The following LRBA variants were observed in gnomAD, a reference collection of about 807,000 sequenced individuals.
LRBA encodes the protein LPS responsive beige-like anchor protein.
Under a neutral mutation model 330.0 loss-of-function variants are expected in LRBA, and 176 were observed. The ratio of observed to expected loss-of-function variants is 0.53; its 90% CI spans 0.47 to 0.60. The LOEUF is 0.60. LRBA is among the 20% of genes least tolerant of loss of function. The pLI, the probability that LRBA is intolerant of heterozygous loss-of-function variation, is 0.00. For missense variants in LRBA, 3,259 were observed against 3,444.8 expected, an observed-to-expected ratio of 0.95 and a Z score of 1.35; for synonymous variants, 1,230 against 1,193.0, an observed-to-expected ratio of 1.03 and a Z score of -0.64.
chr4:151,010,200 A>G (rs1024199921), intron 2 of LRBA, among the ~76,000 whole-genome samples: 2 of 152,100 alleles, frequency 1.3e-5, no homozygotes, highest in Admixed American at 6.5e-5. Context: ...AAAAATCATG[A>G]AAGTATGTAT....
At chr4:150,355,497 A>T (rs1241102577) in intron 47 of LRBA, among the ~76,000 whole-genome samples, 2 of 152,130 alleles carry the variant, frequency 1.3e-5, no homozygotes, top group African/African-American at 2.4e-5. Context: ...AAAAAGTTAA[A>T]TAAAAAGATC....
chr4:150,983,905 G>A (rs17027226), intron 2 of LRBA, among the ~76,000 whole-genome samples: 2 of 152,036 alleles, frequency 1.3e-5, no homozygotes, highest in Non-Finnish European at 2.9e-5. Flanking sequence ...ATACTTCTGG[G>A]ATGTTTTTAT....
intron 34 of LRBA, among the ~76,000 whole-genome samples, chr4:150,770,046 A>T (rs554723731): frequency 1.7e-4 from 26 of 152,168 alleles, no homozygotes; most frequent in South Asian, 4.1e-4. Context: ...GGTAAAGAAG[A>T]TCTACCTTCA....
chr4:150,421,675 A>AT (rs1748821136), intron 46 of LRBA, among the ~76,000 whole-genome samples: 1 of 152,098 alleles, frequency 6.6e-6, no homozygotes, highest in African/African-American at 2.4e-5. Flanking sequence ...ATTGTTCAAC[A>AT]TATCAACAGC....
intron 49 of LRBA, among the ~76,000 whole-genome samples, chr4:150,324,828 G>A (rs1306949329): frequency 6.6e-6 from 1 of 151,998 alleles, no homozygotes; most frequent in Admixed American, 6.6e-5. Flanking sequence ...CTTTTTATGA[G>A]GGACAATTGA....
At chr4:150,491,602 T>C (rs775495998) in intron 40 of LRBA, among the ~76,000 whole-genome samples, 3 of 152,146 alleles carry the variant, frequency 2.0e-5, no homozygotes, top group Non-Finnish European at 2.9e-5. Context: ...AGTATCATTT[T>C]GTCAGCTAAA....
At chr4:150,954,302 G>A (rs1356454567) in intron 2 of LRBA, among the ~76,000 whole-genome samples, 1 of 152,154 alleles carries the variant, frequency 6.6e-6, no homozygotes, top group Admixed American at 6.5e-5. Flanking sequence ...CCATGATGAC[G>A]ATGGCGGTTT....
At chr4:150,607,142 A>G (rs1277706646) in intron 37 of LRBA, among the ~76,000 whole-genome samples, 4 of 152,236 alleles carry the variant, frequency 2.6e-5, no homozygotes, top group Non-Finnish European at 4.4e-5. Context: ...TAAAAAACAT[A>G]GGTTTAGAAC....
At chr4:150,744,931 T>C (rs1261558175) in intron 35 of LRBA, among the ~76,000 whole-genome samples, 1 of 152,210 alleles carries the variant, frequency 6.6e-6, no homozygotes, top group African/African-American at 2.4e-5. Flanking sequence ...TGTAATAAAG[T>C]TCTGCCCTAG....
chr4:151,007,115 G>T (rs561754708), intron 2 of LRBA, among the ~76,000 whole-genome samples: 1 of 152,324 alleles, frequency 6.6e-6, no homozygotes, highest in East Asian at 1.9e-4. Flanking sequence ...AAATGGAAAA[G>T]AATTGAGTCC....
chr4:150,863,284 AT>A (rs909348933), intron 22 of LRBA, among the ~76,000 whole-genome samples: 20 of 151,848 alleles, frequency 1.3e-4, no homozygotes, highest in Middle Eastern at 3.2e-3. Context: ...CTCAAAAAAT[AT>A]TTTTTTTCCT....
At chr4:150,625,136 C>T (rs1342192743) in intron 37 of LRBA, among the ~76,000 whole-genome samples, 1 of 151,756 alleles carries the variant, frequency 6.6e-6, no homozygotes, top group Non-Finnish European at 1.5e-5. Flanking sequence ...GAACAATTAC[C>T]AGGAGTAGGA....
At chr4:150,283,883 A>C (rs1747845991) in intron 54 of LRBA, among the ~76,000 whole-genome samples, 1 of 152,230 alleles carries the variant, frequency 6.6e-6, no homozygotes, top group South Asian at 2.1e-4. Flanking sequence ...ATGACTGCTC[A>C]CTGCATTATC....
At chr4:150,518,657 T>C (rs1487513615) in intron 40 of LRBA, among the ~76,000 whole-genome samples, 1 of 152,186 alleles carries the variant, frequency 6.6e-6, no homozygotes, top group Admixed American at 6.5e-5. Context: ...ACAAACCCTT[T>C]GAATTTTAAA....
At chr4:150,472,417 C>A (rs996784913) in intron 42 of LRBA, among the ~76,000 whole-genome samples, 57 of 152,182 alleles carry the variant, frequency 3.7e-4, no homozygotes, top group African/African-American at 1.3e-3. Context: ...CCACAAAAAA[C>A]AAGGTAATTA....
intron 16 of LRBA, among the ~76,000 whole-genome samples, chr4:150,895,670 A>G (rs1336427004): frequency 1.3e-5 from 2 of 152,090 alleles, no homozygotes; most frequent in Non-Finnish European, 2.9e-5. Flanking sequence ...CATTTTCTTA[A>G]TCCAGTCTAT....
chr4:150,849,635 T>A, intron 24 of LRBA, 60 bp from the exon 25 acceptor site: 1 of 1,369,764 alleles, frequency 7.3e-7, no homozygotes, highest in Non-Finnish European at 1.0e-6. Flanking sequence ...ACAGTTTGCC[T>A]ACTTGAGGGG....
Position 150,914,205 on chromosome 4 carries a change from A to C in LRBA, c.1151T>G (p.Leu384Arg). Residue 384 changes from leucine (L) to arginine (R), a missense_variant, in exon 9 of 57, where the codon CTG (leucine) becomes CGG (arginine). Physicochemically the swap from Leu to Arg is moderately radical, Grantham distance 102 (BLOSUM62 -2). Coordinates refer to ENST00000651943, the MANE Select transcript of LRBA (RefSeq NM_001364905.1). ...AQIFAIYQLG[L>R]GYKGTFKFKA... is the part of the protein sequence containing the mutation. ...CAGTAAGCAAACTACCTTGTATCCC[A>C]GGCCCAACTGATAAATAGCAAATAT... The C allele has an allele frequency of 6.2e-7, 1 of 1,607,312 alleles. No homozygotes were observed. The highest frequency in any genetic ancestry group is 8.5e-7 in the Non-Finnish European group (1 of 1,176,570).
intron 34 of LRBA, among the ~76,000 whole-genome samples, chr4:150,789,911 A>G (rs1257710170): frequency 1.3e-5 from 2 of 152,170 alleles, no homozygotes; most frequent in Non-Finnish European, 2.9e-5. Flanking sequence ...AACCAAAGAA[A>G]AATGTTATGC....
Sources: gnomAD v4.1 joint callset for allele counts (sites outside exome capture counted in the v4.1 genomes callset) on GRCh38, gnomAD v4.1.1 for gene constraint, MANE v1.5 for transcripts, NCBI Gene and HGNC (gene_info 2026-07-23, HGNC 2026-07-21) for gene names.